Variants in MTAP observed in about 807,000 individuals in gnomAD.
MTAP encodes methylthioadenosine phosphorylase.
Under a neutral mutation model 33.6 loss-of-function variants are expected in MTAP, and 33 were observed. The ratio of observed to expected loss-of-function variants is 0.98; its 90% CI spans 0.74 to 1.31. The LOEUF is 1.31. Ranked by LOEUF, MTAP falls within the 40% of genes most tolerant of loss-of-function variation. MTAP has a pLI of 0.00. For synonymous variants in MTAP, 148 were observed against 125.7 expected (o/e 1.18, Z -1.19); for missense variants, 367 against 360.0 (o/e 1.02, Z -0.16).
chr9:21,916,792 C>T (rs768411692), intron 1 of MTAP, among the ~76,000 whole-genome samples: 3 of 152,130 alleles, frequency 2.0e-5, no homozygotes, highest in Non-Finnish European at 4.4e-5. Flanking sequence ...GAGCAAGGCA[C>T]TGCTAACACC....
chr9:21,897,959 TCA>T (rs1367291595), intron 1 of MTAP, among the ~76,000 whole-genome samples: 3 of 152,168 alleles, frequency 2.0e-5, no homozygotes, highest in African/African-American at 7.2e-5. Flanking sequence ...GCTGGAGGCA[TCA>T]CACTACCTGA....
At chr9:21,912,706 T>C (rs532360410) in intron 1 of MTAP, among the ~76,000 whole-genome samples, 208 of 152,212 alleles carry the variant, frequency 1.4e-3, no homozygotes, top group Non-Finnish European at 2.4e-3. Context: ...GGAAGCATTC[T>C]CTTTGAAAAC....
intron 4 of MTAP, among the ~76,000 whole-genome samples, chr9:21,818,583 G>A (rs370523115): frequency 6.6e-6 from 1 of 152,042 alleles, no homozygotes; most frequent in South Asian, 2.1e-4. Flanking sequence ...CTCCCAAAGC[G>A]CAAAGTGCTG....
At chr9:21,830,094 C>T (rs1457556315) in intron 4 of MTAP, among the ~76,000 whole-genome samples, 1 of 152,132 alleles carries the variant, frequency 6.6e-6, no homozygotes, top group African/African-American at 2.4e-5. Context: ...CTTTCTCATT[C>T]AAGTAAATTC....
At chr9:21,841,865 G>A (rs1825255454) in intron 5 of MTAP, among the ~76,000 whole-genome samples, 1 of 152,144 alleles carries the variant, frequency 6.6e-6, no homozygotes, top group African/African-American at 2.4e-5. Context: ...ATGACAAAAT[G>A]GGGTTCTGTA....
At chr9:21,855,346 G>C (rs12682848) in intron 6 of MTAP, among the ~76,000 whole-genome samples, 3,670 of 152,294 alleles carry the variant, frequency 0.024, 75 homozygotes, top group South Asian at 0.049. Context: ...ACATTCTGTC[G>C]GATGGAGATA....
chr9:21,926,284 A>G (rs1464407064), intron 1 of MTAP, among the ~76,000 whole-genome samples: 1 of 152,168 alleles, frequency 6.6e-6, no homozygotes, highest in Non-Finnish European at 1.5e-5. Context: ...AAATGTCTAA[A>G]ACATGGATTA....
chr9:21,841,308 T>A (rs2118364106), intron 5 of MTAP, among the ~76,000 whole-genome samples: 1 of 152,356 alleles, frequency 6.6e-6, no homozygotes, highest in South Asian at 2.1e-4. Flanking sequence ...ACCTCCTGGC[T>A]GGAGGCCAGT....
chr9:21,861,399 C>G (rs1026593937), intron 7 of MTAP: 7 of 153,060 alleles, frequency 4.6e-5, no homozygotes, highest in African/African-American at 1.7e-4. Context: ...GGAATTCCTG[C>G]TCTAGACAAA....
chr9:21,812,235 C>A, intron 1 of MTAP: 1 of 224,256 alleles, frequency 4.5e-6, no homozygotes. Flanking sequence ...GAAATGCAGA[C>A]AGATGGTGAC....
At chr9:21,825,369 T>G (rs1273116869) in intron 4 of MTAP, among the ~76,000 whole-genome samples, 1 of 152,202 alleles carries the variant, frequency 6.6e-6, no homozygotes, top group South Asian at 2.1e-4. Context: ...GACGTAAAAT[T>G]TCATTTCCTT....
chr9:21,827,223 T>C (rs947373989), intron 4 of MTAP, among the ~76,000 whole-genome samples: 2 of 152,092 alleles, frequency 1.3e-5, no homozygotes, highest in Non-Finnish European at 2.9e-5. Flanking sequence ...AGTTAAATCA[T>C]TTGGGGATCC....
chr9:21,935,046 A>G (rs1319084496), downstream of MTAP: 1 of 152,124 alleles, frequency 6.6e-6, no homozygotes, highest in Non-Finnish European at 1.5e-5. Context: ...GCTAACATAC[A>G]TATGCTGTAA....
intron 4 of MTAP, among the ~76,000 whole-genome samples, chr9:21,830,916 G>A (rs991112398): frequency 1.4e-4 from 21 of 152,090 alleles, no homozygotes; most frequent in Admixed American, 7.2e-4. Context: ...GCTCGACTTC[G>A]ATGATGCATT....
chr9:21,825,756 G>A lies in MTAP; in HGVS notation c.347+7554G>A, dbSNP rs141722390. Among the ~76,000 whole-genome samples the A allele has an allele frequency of 2.8e-3, 427 of 152,300 alleles. 1 individual carries two copies. Among genetic ancestry groups the A allele is most frequent in the African/African-American group, 9.6e-3 (401 of 41,564 alleles). Reference sequence around the variant, plus strand: ...CTTAAGAGACTGAGGTGGGAGAATCGCTTGAGCCTGGGAGGTCAAGGCTAG... The same window carrying A: ...CTTAAGAGACTGAGGTGGGAGAATCACTTGAGCCTGGGAGGTCAAGGCTAG... On this transcript the variant is annotated intron_variant, in intron 4 of 7. Transcript: ENST00000644715.
Position 21,864,427 on chromosome 9 carries a change from A to C in MTAP, c.*2413A>C. The C allele has an allele frequency of 1.0e-6, 1 of 985,362 alleles. No homozygotes were observed. Among genetic ancestry groups the C allele is most frequent in the South Asian group, 4.7e-5 (1 of 21,288 alleles). 61.0% of individuals were successfully genotyped at this position (985,362 alleles called of 1,614,324 possible). On this transcript the variant is annotated 3_prime_UTR_variant, in exon 8 of 8. Transcript: ENST00000644715. Reference sequence around the variant, plus strand: ...GTGAGCATTTTGGTTTCCGCAAAGGATGGATGGTGAGCATCATGGGAAAGC... The same window carrying C: ...GTGAGCATTTTGGTTTCCGCAAAGGCTGGATGGTGAGCATCATGGGAAAGC...
intron 1 of MTAP, among the ~76,000 whole-genome samples, chr9:21,884,164 T>C (rs1457088351): frequency 2.0e-5 from 3 of 152,298 alleles, no homozygotes; most frequent in African/African-American, 2.4e-5. Context: ...GTAGACCATA[T>C]ATTGCAGGGT....
At chr9:21,938,273 CAA>C (rs373456978), downstream of MTAP, among the ~76,000 whole-genome samples, 9 of 112,976 alleles carry the variant, frequency 8.0e-5, no homozygotes, top group Admixed American at 2.8e-4. Context: ...GAGTCCTTCT[CAA>C]AAAAAAAAAA....
intron 4 of MTAP, among the ~76,000 whole-genome samples, chr9:21,826,911 T>A (rs541701878): frequency 6.6e-6 from 1 of 152,022 alleles, no homozygotes; most frequent in Non-Finnish European, 1.5e-5. Context: ...TAGAGTCTCA[T>A]AGGAGCAGGA....
Sources: allele counts gnomAD v4.1 joint callset (sites outside exome capture counted in the v4.1 genomes callset), GRCh38; gene constraint gnomAD v4.1.1; transcripts MANE v1.5; gene names NCBI Gene and HGNC (gene_info 2026-07-23, HGNC 2026-07-21).